Variants in ADAM9 observed in about 807,000 individuals in gnomAD.
ADAM9 encodes disintegrin and metalloproteinase domain-containing protein 9.
Under a neutral mutation model 108.1 loss-of-function variants are expected in ADAM9, and 54 were observed. That is an observed-to-expected ratio of 0.50 (90% CI 0.40 to 0.63). The LOEUF is 0.63. Among genes scored for constraint, ADAM9 ranks in the 20% least tolerant of loss-of-function variants. ADAM9 has a pLI of 0.00. For missense variants in ADAM9, 830 were observed against 997.7 expected (o/e 0.83, Z 2.26); for synonymous variants, 316 against 336.0 (o/e 0.94, Z 0.65).
chr8:39,012,138 AT>A (rs2129432519), intron 3 of ADAM9, among the ~76,000 whole-genome samples: 1 of 152,354 alleles, frequency 6.6e-6, no homozygotes, highest in Non-Finnish European at 1.5e-5. Flanking sequence ...TCATCAAGGC[AT>A]GACCCCCAGA....
chr8:39,065,011 C>T (rs1397206958), intron 14 of ADAM9, among the ~76,000 whole-genome samples: 1 of 152,050 alleles, frequency 6.6e-6, no homozygotes, highest in Non-Finnish European at 1.5e-5. Flanking sequence ...TTTTTATTCA[C>T]CGTGCTATGT....
intron 1 of ADAM9, among the ~76,000 whole-genome samples, chr8:39,002,804 C>T (rs1379511386): frequency 6.6e-6 from 1 of 152,140 alleles, no homozygotes; most frequent in Non-Finnish European, 1.5e-5. Context: ...TTTCATGTTT[C>T]AGTGGTTCAC....
rs1836567446 is a variant in ADAM9, at chr8:39,017,330, A to G, written c.522A>G (p.Lys174=). ...ATGATGTCTACAAAGAGCCTCTGAA[A>G]TGTGGAGTTTCCAACAAGGATATAG... The part of the protein sequence containing the change: ...RMDDVYKEPL[K]CGVSNKDIEK... Residue 174 remains lysine (K), a synonymous_variant, in exon 6 of 22, where the codon AAA becomes AAG. Coordinates refer to ENST00000487273, the MANE Select transcript of ADAM9 (RefSeq NM_003816.3). 1 of 1,614,066 alleles carries G rather than the reference A, an allele frequency of 6.2e-7. No individual in the cohort carries two copies. The highest frequency in any genetic ancestry group is 1.3e-5 in the African/African-American group (1 of 74,936).
At chr8:39,062,047 A>T (rs952503865) in intron 14 of ADAM9, among the ~76,000 whole-genome samples, 15 of 152,278 alleles carry the variant, frequency 9.9e-5, no homozygotes, top group Non-Finnish European at 1.8e-4. Context: ...CAATCCCATC[A>T]TAAGGGTCCC....
chr8:39,095,677 G>A (rs1255395987), intron 20 of ADAM9, among the ~76,000 whole-genome samples: 1 of 152,102 alleles, frequency 6.6e-6, no homozygotes. Flanking sequence ...TTTTCTTACT[G>A]ATTTGTTGTC....
Position 39,016,032 on chromosome 8 carries a change from A to G in ADAM9, c.334-86A>G, listed in dbSNP as rs1173578746. ...TGTTATTATTAAACTTGACTGGCCT[A>G]AAGTAATTTTGTTAGCTCTGCAATT... is the stretch of plus-strand genomic sequence containing the variant. On this transcript the variant is annotated intron_variant, in intron 4 of 21. Transcript: ENST00000487273. 4 of 1,259,812 alleles carry G rather than the reference A, an allele frequency of 3.2e-6. No individual in the cohort carries two copies. The African/African-American group carries it at 4.4e-5, about 14-fold the overall frequency. The allele number at this position is 1,259,812 out of a possible 1,614,324, so 78.0% of individuals were successfully genotyped here.
At chr8:39,083,266 C>T (rs1327292416) in intron 18 of ADAM9, among the ~76,000 whole-genome samples, 193 bp downstream of exon 18, 1 of 152,198 alleles carries the variant, frequency 6.6e-6, no homozygotes, top group Non-Finnish European at 1.5e-5. Context: ...CCTGGACATA[C>T]ATCATAGCCT....
Position 39,104,777 on chromosome 8 carries a change from A to G in ADAM9, c.*1077A>G. The stretch of plus-strand genomic sequence containing the variant: ...CTACAAAAAAGTTACTGTGGTATCT[A>G]TGAGTTATCATCTTAGCTGTGTTAA... On this transcript the variant is annotated 3_prime_UTR_variant, in exon 22 of 22. Transcript: ENST00000487273. 2.2e-6 allele frequency: 1 copy of G among 453,888 alleles called. No individual in the cohort carries two copies. Among genetic ancestry groups the G allele is most frequent in the South Asian group, 1.6e-5 (1 of 64,436 alleles). The allele number at this position is 453,888 out of a possible 1,614,324, so 28.1% of individuals were successfully genotyped here. A position where few individuals can be genotyped will look rare whatever the true frequency, so the allele number is the denominator to read the frequency against.
chr8:39,049,162 T>C (rs1286506072), intron 12 of ADAM9, among the ~76,000 whole-genome samples: 1 of 152,102 alleles, frequency 6.6e-6, no homozygotes, highest in Non-Finnish European at 1.5e-5. Flanking sequence ...TTCTTGCTGT[T>C]TTCCTTTGTA....
intron 14 of ADAM9, among the ~76,000 whole-genome samples, chr8:39,070,385 T>G (rs1207683822): frequency 6.6e-6 from 1 of 152,118 alleles, no homozygotes; most frequent in East Asian, 1.9e-4. Context: ...ATTAAAGGCT[T>G]CTAAGACATT....
chr8:39,054,162 T>C (rs1397235560), intron 12 of ADAM9, among the ~76,000 whole-genome samples: 1 of 152,140 alleles, frequency 6.6e-6, no homozygotes, highest in Non-Finnish European at 1.5e-5. Flanking sequence ...GTAGGAACCT[T>C]GATCTTGGAT....
At chr8:39,052,436 T>G (rs150338581) in intron 12 of ADAM9, among the ~76,000 whole-genome samples, 5 of 152,240 alleles carry the variant, frequency 3.3e-5, no homozygotes, top group African/African-American at 1.2e-4. Context: ...TTACATTTTA[T>G]GTTGAAATTT....
intron 14 of ADAM9, 66 bp downstream of exon 14, chr8:39,055,838 A>C: frequency 6.8e-7 from 1 of 1,467,558 alleles, no homozygotes; most frequent in Non-Finnish European, 9.3e-7. Context: ...ATATTTTAAA[A>C]AAGGTAATGA....
At chr8:39,014,215 T>A (rs1254773201) in intron 4 of ADAM9, 172 bp downstream of exon 4, 6 of 633,048 alleles carry the variant, frequency 9.5e-6, no homozygotes, top group Non-Finnish European at 2.8e-6. Context: ...TAGACTAAGC[T>A]GTACCTTACA....
chr8:39,057,557 G>A (rs1040151747), intron 14 of ADAM9, among the ~76,000 whole-genome samples: 1 of 152,078 alleles, frequency 6.6e-6, no homozygotes, highest in Non-Finnish European at 1.5e-5. Flanking sequence ...TGGAGACCCT[G>A]TAGAGCTGAT....
intron 10 of ADAM9, 59 bp downstream of exon 10, chr8:39,025,943 A>G: frequency 8.6e-6 from 13 of 1,504,786 alleles, no homozygotes; most frequent in Non-Finnish European, 1.2e-5. Flanking sequence ...TCAAGCATTT[A>G]TTGACTGTAT....
intron 12 of ADAM9, among the ~76,000 whole-genome samples, chr8:39,044,593 TC>T (rs1837555189): frequency 3.5e-4 from 3 of 8,562 alleles, no homozygotes; most frequent in Admixed American, 3.3e-3. Context: ...CAGCCCTCAC[TC>T]TCCTCCTACC....
At chr8:39,026,269 G>A (rs537932094) in intron 10 of ADAM9, among the ~76,000 whole-genome samples, 9 of 152,110 alleles carry the variant, frequency 5.9e-5, no homozygotes, top group Non-Finnish European at 8.8e-5. Context: ...CCCACCTCCC[G>A]ACAGGCCCCG....
chr8:39,045,298 C>A (rs1355378407), intron 12 of ADAM9, among the ~76,000 whole-genome samples: 7 of 101,004 alleles, frequency 6.9e-5, no homozygotes, highest in Non-Finnish European at 1.5e-4. Flanking sequence ...GTGTGTACAC[C>A]TATACATGTG....
Sources: allele counts gnomAD v4.1 joint callset (sites outside exome capture counted in the v4.1 genomes callset), GRCh38; gene constraint gnomAD v4.1.1; transcripts MANE v1.5; gene names NCBI Gene and HGNC (gene_info 2026-07-23, HGNC 2026-07-21).